The following LAMA5 variants were observed in gnomAD, a reference collection of about 807,000 sequenced individuals.
The protein encoded by LAMA5 is laminin subunit alpha-5.
Under a neutral mutation model 433.4 loss-of-function variants are expected in LAMA5, and 260 were observed. The ratio of observed to expected loss-of-function variants is 0.60; its 90% confidence interval spans 0.54 to 0.66. LAMA5 has a LOEUF of 0.66. LAMA5 is among the 30% of genes least tolerant of loss of function. The pLI is 0.00. For synonymous variants in LAMA5, 2,620 were observed against 2,226.6 expected (o/e 1.18, Z -4.97); for missense variants, 5,378 against 5,258.5 (o/e 1.02, Z -0.70).
At chr20:62,349,184 T>C (rs1295485974) in intron 6 of LAMA5, among the ~76,000 whole-genome samples, 1 of 138,580 alleles carries the variant, frequency 7.2e-6, no homozygotes, top group Non-Finnish European at 1.5e-5. Context: ...GGTGGGAGAA[T>C]GGCATGAACC....
At chr20:62,365,989 A>C (rs1986683141) in intron 1 of LAMA5, among the ~76,000 whole-genome samples, 1 of 152,122 alleles carries the variant, frequency 6.6e-6, no homozygotes, top group African/African-American at 2.4e-5. Flanking sequence ...CCACCCAGCA[A>C]ATCTCCAGCT....
Position 62,330,571 on chromosome 20 carries a change from T to C in LAMA5, c.3896A>G (p.Tyr1299Cys), listed in dbSNP as rs1980172949. 5 of 1,593,068 alleles carry C rather than the reference T, an allele frequency of 3.1e-6. No individual in the cohort carries two copies. The highest frequency in any genetic ancestry group is 1.3e-5 in the African/African-American group (1 of 74,796). Reference protein sequence around the residue: ...FTTHVPTLGRYAFLLHGYQPA... With the variant: ...FTTHVPTLGRCAFLLHGYQPA... Reference sequence around the variant, plus strand: ...CTGGTAGCCGTGCAGCAGGAAGGCATAGCGGCCCAGCGTGGGCACATGGGT... The same window carrying C: ...CTGGTAGCCGTGCAGCAGGAAGGCACAGCGGCCCAGCGTGGGCACATGGGT... Residue 1299 changes from tyrosine to cysteine, a missense_variant, in exon 31 of 80, where the codon TAT becomes TGT. Physicochemically the swap from Tyr to Cys is radical, Grantham distance 194. Transcript: ENST00000252999.
intron 1 of LAMA5, among the ~76,000 whole-genome samples, chr20:62,365,430 G>C (rs563235991): frequency 1.1e-4 from 16 of 152,218 alleles, no homozygotes; most frequent in Non-Finnish European, 7.3e-5. Context: ...CGAGACGGGG[G>C]TAATAAGCCC....
chr20:62,366,374 C>A (rs1022009410), intron 1 of LAMA5, among the ~76,000 whole-genome samples: 3 of 152,214 alleles, frequency 2.0e-5, no homozygotes, highest in African/African-American at 7.2e-5. Flanking sequence ...GACCCTACCA[C>A]CTGCTGGGCA....
In LAMA5 at chr20:62,327,365, C is replaced by T. The variant is rs781691598; in HGVS notation, c.4980G>A (p.Arg1660=). 1.3e-6 allele frequency: 2 copies of T among 1,598,020 alleles called. No homozygotes were observed. The highest frequency in any genetic ancestry group is 4.5e-5 in the East Asian group (2 of 44,792). The change falls in exon 38 of 80, where the codon CGG becomes CGA. Residue 1660 remains arginine (R), a synonymous_variant. Coordinates refer to ENST00000252999, the MANE Select transcript of LAMA5 (RefSeq NM_005560.6). ...MEGWVLLSTD[R]QVVPHERQPG... ...GCTGCCGCTCGTGGGGCACCACCTG[C>T]CGGTCAGTGCTCAGCAGCACCCATC... is the stretch of plus-strand genomic sequence containing the variant.
At position 62,310,753 on chromosome 20, in the gene LAMA5, T is replaced by C. The variant is rs1986168112; in HGVS notation, c.10358A>G (p.His3453Arg). ...GARAWSQEGP[H>R]RQHQGAEHPQ... Reference sequence around the variant, plus strand: ...GTGCTCTGCCCCCTGGTGCTGCCGGTGCGGCCCCTCCTGGCTCCAGGCCCG... The same window carrying C: ...GTGCTCTGCCCCCTGGTGCTGCCGGCGCGGCCCCTCCTGGCTCCAGGCCCG... Residue 3453 changes from histidine (H) to arginine (R), a missense_variant, in exon 75 of 80, where the codon CAC becomes CGC. Physicochemically the swap from His to Arg is conservative, Grantham distance 29 (BLOSUM62 0). Transcript: ENST00000252999. The C allele has an allele frequency of 6.4e-7, 1 of 1,570,234 alleles. No homozygotes were observed.
chr20:62,325,166 G>A (rs2146145028), intron 41 of LAMA5, 150 bp downstream of exon 41: 1 of 610,586 alleles, frequency 1.6e-6, no homozygotes, highest in East Asian at 2.9e-5. Context: ...CCATGAGTTG[G>A]CCAGCAGCCT....
Position 62,329,752 on chromosome 20 carries a change from GAGCAGGACATC to G in LAMA5, c.4119+14_4119+24del. ...ACAAGTATAAGGACAGCTGGTCCCT[GAGCAGGACATC>G]AGCTGGGACTCACCAGCCAGAGCCA... On this transcript the variant is annotated intron_variant, in intron 32 of 79. Coordinates refer to ENST00000252999, the MANE Select transcript of LAMA5 (RefSeq NM_005560.6). The G allele has an allele frequency of 1.2e-6, 2 of 1,611,286 alleles. No individual in the cohort carries two copies. The highest frequency in any genetic ancestry group is 1.7e-6 in the Non-Finnish European group (2 of 1,179,118).
Position 62,359,350 on chromosome 20 carries a change from C to G in LAMA5, c.450+3050G>C, listed in dbSNP as rs964684816. On this transcript the variant is annotated intron_variant, in intron 2 of 79. Coordinates refer to ENST00000252999, the MANE Select transcript of LAMA5 (RefSeq NM_005560.6). This position sits in a 1 kb window ranked among gnomAD's most constrained non-coding sequence, Gnocchi z 4.3. Reference sequence around the variant, plus strand: ...CTCCTTACAACCTGGGCCCGCTGGGCTAGCGTGCTGGTGTAGTGGGGCAAG... The same window carrying G: ...CTCCTTACAACCTGGGCCCGCTGGGGTAGCGTGCTGGTGTAGTGGGGCAAG... 2.6e-5 allele frequency among the ~76,000 whole-genome samples: 4 copies of G among 152,304 alleles called. No homozygotes were observed. In the East Asian group the frequency reaches 5.8e-4, roughly 22 times the overall value.
intron 70 of LAMA5, 48 bp downstream of exon 70, chr20:62,311,872 G>A (rs369824490): frequency 4.0e-5 from 63 of 1,572,620 alleles, no homozygotes; most frequent in East Asian, 9.0e-5. Context: ...AAGTGCAGGC[G>A]GGCGTCCCTC....
Position 62,346,516 on chromosome 20 carries a change from G to A in LAMA5, c.1272C>T (p.His424=), listed in dbSNP as rs140526397. ...GCTGAGCCCACTCACGGCGGCAGAC[G>A]TGGGGCGAGTCGAGAGGGTGGTTGG... is the stretch of plus-strand genomic sequence containing the variant. ...RSPNHPLDSP[H]VCRRCNCESD... Residue 424 remains histidine (H), a synonymous_variant, in exon 9 of 80, where the codon CAC becomes CAT. Coordinates refer to ENST00000252999, the MANE Select transcript of LAMA5 (RefSeq NM_005560.6). 410 of 1,551,392 alleles carry A rather than the reference G, an allele frequency of 2.6e-4. No homozygotes were observed. The highest frequency in any genetic ancestry group is 4.5e-4 in the Admixed American group (23 of 51,026).
At chr20:62,330,704 C>A (rs1288476736) in intron 30 of LAMA5, 39 bp downstream of exon 30, 1 of 1,555,282 alleles carries the variant, frequency 6.4e-7, no homozygotes, top group Non-Finnish European at 8.7e-7. Flanking sequence ...CGGAGTCCTG[C>A]CCTGACACCC....
Position 62,344,217 on chromosome 20 carries a change from C to T in LAMA5, c.1477+1601G>A, listed in dbSNP as rs79659749. On this transcript the variant is annotated intron_variant, in intron 11 of 79. Coordinates refer to ENST00000252999, the MANE Select transcript of LAMA5 (RefSeq NM_005560.6). ...AAGACCCCACTCACTGGGAAAGATGCCATGCTTGTATGTCCCGTCATGAAA... is the reference window on the plus strand; with the variant it reads ...AAGACCCCACTCACTGGGAAAGATGTCATGCTTGTATGTCCCGTCATGAAA... 8.2e-3 allele frequency among the ~76,000 whole-genome samples: 1,247 copies of T among 151,218 alleles called. 21 individuals are homozygous for T. Among genetic ancestry groups the T allele is most frequent in the African/African-American group, 0.029 (1,207 of 41,136 alleles).
rs112553935 is a variant in LAMA5 at position 62,320,660 on chromosome 20, G to A, written c.6658C>T (p.Arg2220Trp). The change falls in exon 50 of 80, where the codon CGG (arginine) becomes TGG (tryptophan). Residue 2220 changes from arginine (R) to tryptophan (W), a missense_variant. By Grantham distance (101) the Arg-to-Trp change is moderately radical (BLOSUM62 -3). Transcript: ENST00000252999. ...TCATGGCGGGGGCCCAGGGGGCTCC[G>A]GAGCTGGCTCTGTGGGAGGCGAAAG... Reference protein sequence around the residue: ...ASIADLQSQLRSPLGPRHETA... With the variant: ...ASIADLQSQLWSPLGPRHETA... 104 of 1,608,488 alleles carry A rather than the reference G, an allele frequency of 6.5e-5. 1 individual carries two copies. The East Asian group carries it at 9.8e-4, about 15-fold the overall frequency.
intron 50 of LAMA5, 139 bp downstream of exon 50, chr20:62,320,420 C>T: frequency 3.1e-6 from 2 of 644,944 alleles, no homozygotes; most frequent in Non-Finnish European, 5.4e-6. Flanking sequence ...TTGGTCAACC[C>T]CTAAGACTCT....
rs1004441963 is a variant in LAMA5 at position 62,325,668 on chromosome 20, G to A, written c.5299-122C>T. On this transcript the variant is annotated intron_variant, in intron 40 of 79. Transcript: ENST00000252999. ...CACAAAGACCATGGGGCAGGAGGAGGTACACACAGGTAGAAAAACCAGTCT... is the reference window on the plus strand; with the variant it reads ...CACAAAGACCATGGGGCAGGAGGAGATACACACAGGTAGAAAAACCAGTCT... 6.5e-5 allele frequency: 40 copies of A among 611,772 alleles called. No individual in the cohort carries two copies. The South Asian group carries it at 7.0e-4, about 11-fold the overall frequency. 37.9% of individuals were successfully genotyped at this position (611,772 alleles called of 1,614,324 possible).
In LAMA5 at chr20:62,333,204, G is replaced by T. The variant is rs759677737; in HGVS notation, c.3168C>A (p.Pro1056=). ...ACAGGGCCTCCAGCCCGGCGGCCGA[G>T]GGGAAGCCATCCAGGGGGAGGTGTG... The part of the protein sequence containing the change: ...LYTHLPLDGF[P]SAAGLEALCR... Residue 1056 remains proline (P), a synonymous_variant, in exon 26 of 80, where the codon CCC becomes CCA. Coordinates refer to ENST00000252999, the MANE Select transcript of LAMA5 (RefSeq NM_005560.6). 3 of 1,523,200 alleles carry T rather than the reference G, an allele frequency of 2.0e-6. No individual in the cohort carries two copies. Among genetic ancestry groups the T allele is most frequent in the Non-Finnish European group, 1.8e-6 (2 of 1,135,192 alleles). 94.4% of individuals were successfully genotyped at this position (1,523,200 alleles called of 1,614,324 possible). A position where few individuals can be genotyped will look rare whatever the true frequency, so the allele number is the denominator to read the frequency against.
At chr20:62,337,758 T>C (rs750879285) in intron 15 of LAMA5, 31 bp from the exon 16 acceptor site, 4 of 1,608,176 alleles carry the variant, frequency 2.5e-6, no homozygotes, top group Non-Finnish European at 2.5e-6. Context: ...GGGCACGCAG[T>C]GGAGACTGCA....
chr20:62,331,184 G>A, intron 28 of LAMA5, 55 bp from the exon 29 acceptor site: 3 of 1,090,726 alleles, frequency 2.8e-6, no homozygotes, highest in Non-Finnish European at 3.8e-6. Flanking sequence ...AGGATAGGGG[G>A]TGCAGGCGGT....
Sources: gnomAD v4.1 joint callset for allele counts (sites outside exome capture counted in the v4.1 genomes callset) on GRCh38, gnomAD v4.1.1 for gene constraint, Gnocchi (gnomAD v3.1) non-coding constraint, MANE v1.5 for transcripts, NCBI Gene and HGNC (gene_info 2026-07-23, HGNC 2026-07-21) for gene names.